MAPK8: variants seen among roughly 807,000 people sequenced by gnomAD.
The protein encoded by MAPK8 is JUN N-terminal kinase.
A neutral mutation model predicts 52.9 loss-of-function variants in MAPK8; 13 were observed. The observed-to-expected ratio is 0.25, with a 90% confidence interval of 0.16 to 0.39. The LOEUF (loss-of-function observed/expected upper bound fraction) is 0.39. MAPK8 is among the 10% of genes least tolerant of loss of function. The pLI is 1.00. For missense variants in MAPK8, 300 were observed against 519.2 expected, an observed-to-expected ratio of 0.58 and a Z score of 4.10; for synonymous variants, 191 against 169.8, an observed-to-expected ratio of 1.12 and a Z score of -0.97.
intron 1 of MAPK8, among the ~76,000 whole-genome samples, chr10:48,396,195 CG>C (rs1436972085): frequency 6.6e-6 from 1 of 151,990 alleles, no homozygotes; most frequent in Non-Finnish European, 1.5e-5. Flanking sequence ...ACTTGGAAAT[CG>C]CATGTCTGAT....
intron 1 of MAPK8, among the ~76,000 whole-genome samples, chr10:48,343,106 A>G (rs929570318): frequency 6.6e-6 from 1 of 152,224 alleles, no homozygotes; most frequent in Non-Finnish European, 1.5e-5. Context: ...CTGCTTTAAC[A>G]AATTACCAGT....
chr10:48,416,866 A>T (rs2043091959), intron 5 of MAPK8, among the ~76,000 whole-genome samples: 1 of 152,116 alleles, frequency 6.6e-6, no homozygotes, highest in Admixed American at 6.5e-5. Context: ...TATCCTCATG[A>T]ATATATCTAA....
At chr10:48,397,269 C>G (rs2041934320) in intron 1 of MAPK8, among the ~76,000 whole-genome samples, 2 of 151,978 alleles carry the variant, frequency 1.3e-5, no homozygotes, top group Admixed American at 1.3e-4. Context: ...CTGCCTCAGC[C>G]TCCCAAATAG....
intron 10 of MAPK8, 57 bp from the exon 11 acceptor site, chr10:48,431,136 G>A (rs1366406319): frequency 2.6e-5 from 28 of 1,082,356 alleles, no homozygotes; most frequent in Admixed American, 1.1e-4. Flanking sequence ...CCATACATGC[G>A]TTGTGAGATT....
chr10:48,426,045 T>A lies in MAPK8; in HGVS notation c.846T>A (p.Ala282=). ...TCTTCCCTGATGTCCTTTTCCCAGC[T>A]GACTCAGAACACAACAAACTTAAAG... The part of the protein sequence containing the change: ...EKLFPDVLFP[A]DSEHNKLKAS... The change falls in exon 8 of 12, where the codon GCT becomes GCA. Residue 282 remains alanine (A), a synonymous_variant. Transcript: ENST00000374189. 6.2e-7 allele frequency: 1 copy of A among 1,612,162 alleles called. No individual in the cohort carries two copies. Among genetic ancestry groups the A allele is most frequent in the Admixed American group, 1.7e-5 (1 of 59,674 alleles).
intron 10 of MAPK8, among the ~76,000 whole-genome samples, chr10:48,429,479 C>T (rs1330698752): frequency 2.0e-5 from 3 of 152,154 alleles, no homozygotes; most frequent in Non-Finnish European, 2.9e-5. Context: ...AGAGTTTTAG[C>T]GCATAGCAGA....
intron 5 of MAPK8, among the ~76,000 whole-genome samples, chr10:48,413,391 T>G (rs1387694273): frequency 6.6e-6 from 1 of 152,204 alleles, no homozygotes; most frequent in East Asian, 1.9e-4. Flanking sequence ...CTGTACCATT[T>G]TACATTCCCA....
At chr10:48,432,486 C>A (rs1029140566) in intron 11 of MAPK8, among the ~76,000 whole-genome samples, 15 of 152,108 alleles carry the variant, frequency 9.9e-5, no homozygotes, top group Non-Finnish European at 1.5e-4. Context: ...TTGGAAATGG[C>A]CTTTTCTCTA....
rs189708063 is a variant in MAPK8, at chr10:48,312,452, G to T, written c.-50+5631G>T. 2.0e-5 allele frequency among the ~76,000 whole-genome samples: 3 copies of T among 152,270 alleles called. No homozygotes were observed. In the East Asian group the frequency reaches 5.8e-4, roughly 29 times the overall value. On this transcript the variant is annotated intron_variant, in intron 1 of 11. Coordinates refer to ENST00000374189, the MANE Select transcript of MAPK8 (RefSeq NM_001323329.2). ...TATAGTCCTCCAGTACTGCCTCTTG[G>T]TGCTGAGAGACTCAAGCCTGCCACC...
At chr10:48,420,958 G>T (rs1421647355) in intron 6 of MAPK8, among the ~76,000 whole-genome samples, 1 of 152,130 alleles carries the variant, frequency 6.6e-6, no homozygotes, top group South Asian at 2.1e-4. Flanking sequence ...TAAACATTTT[G>T]TATGCATATA....
At chr10:48,333,323 G>T (rs1047181701) in intron 1 of MAPK8, among the ~76,000 whole-genome samples, 1 of 152,156 alleles carries the variant, frequency 6.6e-6, no homozygotes, top group Non-Finnish European at 1.5e-5. Flanking sequence ...GGTGTGGGGT[G>T]CTTACTATTA....
At chr10:48,432,764 A>G (rs1371502526) in intron 11 of MAPK8, among the ~76,000 whole-genome samples, 1 of 152,222 alleles carries the variant, frequency 6.6e-6, no homozygotes, top group Non-Finnish European at 1.5e-5. Flanking sequence ...GAATAATTTG[A>G]ATCTTAGTCC....
Position 48,409,872 on chromosome 10 carries a change from A to T in MAPK8, c.253-7A>T. On this transcript the variant is annotated splice_region_variant and splice_polypyrimidine_tract_variant and intron_variant, in intron 3 of 11. Coordinates refer to ENST00000374189, the MANE Select transcript of MAPK8 (RefSeq NM_001323329.2). ...CTAATTTTTCTGTCTCTCGACTTTT[A>T]TTATAGATAATTGGCCTTTTGAATG... The T allele has an allele frequency of 1.3e-6, 2 of 1,594,650 alleles. No individual in the cohort carries two copies. Among genetic ancestry groups the T allele is most frequent in the Non-Finnish European group, 1.7e-6 (2 of 1,165,204 alleles).
intron 1 of MAPK8, among the ~76,000 whole-genome samples, chr10:48,325,437 C>T (rs1843418254): frequency 6.6e-6 from 1 of 152,186 alleles, no homozygotes; most frequent in Non-Finnish European, 1.5e-5. Flanking sequence ...CAAAAAGTGG[C>T]ACATAACTTT....
intron 5 of MAPK8, among the ~76,000 whole-genome samples, chr10:48,415,125 C>A (rs1055430025): frequency 3.9e-5 from 6 of 151,966 alleles, no homozygotes; most frequent in African/African-American, 1.5e-4. Context: ...AATCATTTGT[C>A]TAATGCAATC....
intron 1 of MAPK8, among the ~76,000 whole-genome samples, chr10:48,344,840 G>A (rs1305076739): frequency 1.3e-5 from 2 of 152,032 alleles, no homozygotes; most frequent in African/African-American, 2.4e-5. Flanking sequence ...AAGAATTCAG[G>A]AATTCTAGAT....
At chr10:48,352,960 G>A (rs897404418) in intron 1 of MAPK8, among the ~76,000 whole-genome samples, 6 of 152,070 alleles carry the variant, frequency 3.9e-5, no homozygotes, top group East Asian at 1.9e-4. Context: ...AGCAATGAAC[G>A]TGTGAAAACC....
rs549315059 is a variant in MAPK8, at chr10:48,424,376, A to G, written c.688+217A>G. The G allele has an allele frequency of 5.7e-5, 37 of 651,256 alleles. No individual in the cohort carries two copies. In the South Asian group the frequency reaches 8.3e-4, roughly 15 times the overall value. The allele number at this position is 651,256 out of a possible 1,614,324, so 40.3% of individuals were successfully genotyped here. ...CAGTCTCTGCTGGTAGTCAGAGCACATTCACTGTCACTCATTTTTATTTTA... is the reference window on the plus strand; with the variant it reads ...CAGTCTCTGCTGGTAGTCAGAGCACGTTCACTGTCACTCATTTTTATTTTA... On this transcript the variant is annotated intron_variant, in intron 7 of 11. Coordinates refer to ENST00000374189, the MANE Select transcript of MAPK8 (RefSeq NM_001323329.2).
At position 48,385,272 on chromosome 10, in the gene MAPK8, G is replaced by A. The variant is rs113615905; in HGVS notation, c.-49-16340G>A. ...GGGGCTCGAATTCCATAGAGCAAAAGTTTTTTTTGTTTTGTTTTTCATAAC... is the reference window on the plus strand; with the variant it reads ...GGGGCTCGAATTCCATAGAGCAAAAATTTTTTTTGTTTTGTTTTTCATAAC... On this transcript the variant is annotated intron_variant, in intron 1 of 11. Coordinates refer to ENST00000374189, the MANE Select transcript of MAPK8 (RefSeq NM_001323329.2). Among the ~76,000 whole-genome samples the A allele has an allele frequency of 7.9e-3, 1,207 of 151,986 alleles. 13 individuals are homozygous for A. The highest frequency in any genetic ancestry group is 0.028 in the African/African-American group (1,157 of 41,450).
Sources: gnomAD v4.1 joint callset for allele counts (sites outside exome capture counted in the v4.1 genomes callset) on GRCh38, gnomAD v4.1.1 for gene constraint, MANE v1.5 for transcripts, NCBI Gene and HGNC (gene_info 2026-07-23, HGNC 2026-07-21) for gene names.